Variants in JAZF1 observed in about 807,000 individuals in gnomAD.
JAZF1 encodes JAZF zinc finger 1.
JAZF1 carries 8 observed loss-of-function variants against 26.4 expected under a neutral mutation model. The ratio of observed to expected loss-of-function variants is 0.30; its 90% CI spans 0.18 to 0.55. The LOEUF (loss-of-function observed/expected upper bound fraction) is 0.55, where lower values mean the gene tolerates loss of function less well. Ranked by LOEUF, JAZF1 falls within the 20% of genes least tolerant of loss-of-function variation. The pLI is 0.94. For synonymous variants in JAZF1, 126 were observed against 122.3 expected (o/e 1.03, Z -0.20); for missense variants, 199 against 322.0 (o/e 0.62, Z 2.92).
intron 1 of JAZF1, among the ~76,000 whole-genome samples, chr7:27,994,210 A>G (rs1404476512): frequency 6.6e-6 from 1 of 152,190 alleles, no homozygotes; most frequent in East Asian, 1.9e-4. Flanking sequence ...TTTGTTGCTC[A>G]AATAAATGGC....
At chr7:27,913,625 C>CTTGACTGA (rs1394249268) in intron 2 of JAZF1, among the ~76,000 whole-genome samples, 3 of 152,158 alleles carry the variant, frequency 2.0e-5, no homozygotes, top group Non-Finnish European at 1.5e-5. Flanking sequence ...CCCTCTATTC[C>CTTGACTGA]TTGACTGATT....
At position 27,837,941 on chromosome 7, in the gene JAZF1, T is replaced by C. The variant is rs74492042; in HGVS notation, c.555+2757A>G. On this transcript the variant is annotated intron_variant, in intron 4 of 4. Coordinates refer to ENST00000283928, the MANE Select transcript of JAZF1 (RefSeq NM_175061.4). ...CAATGAAGAGGACTTCAGACTCTTA[T>C]TGGCCTGGAGATGGTACTGGAGGAA... is the stretch of plus-strand genomic sequence containing the variant. 2.2e-3 allele frequency among the ~76,000 whole-genome samples: 338 copies of C among 151,938 alleles called. 6 individuals are homozygous for C. Among genetic ancestry groups the C allele is most frequent in the Admixed American group, 0.015 (226 of 15,284 alleles).
chr7:28,115,187 C>T (rs915767519), intron 1 of JAZF1, among the ~76,000 whole-genome samples: 1 of 152,146 alleles, frequency 6.6e-6, no homozygotes, highest in African/African-American at 2.4e-5. Flanking sequence ...AAATGCCAAC[C>T]ACAGGGCCAA....
chr7:28,006,224 C>T (rs1184877751), intron 1 of JAZF1, among the ~76,000 whole-genome samples: 3 of 152,104 alleles, frequency 2.0e-5, no homozygotes, highest in African/African-American at 7.2e-5. Flanking sequence ...CAAAAATCAG[C>T]CAGGCGTGGT....
chr7:28,008,960 C>T (rs752752263), intron 1 of JAZF1, among the ~76,000 whole-genome samples: 1 of 152,180 alleles, frequency 6.6e-6, no homozygotes. Context: ...ATCACACATT[C>T]AAGTCAAATG....
At chr7:28,163,567 T>A (rs776206775) in intron 1 of JAZF1, among the ~76,000 whole-genome samples, 2 of 152,208 alleles carry the variant, frequency 1.3e-5, no homozygotes, top group African/African-American at 2.4e-5. Flanking sequence ...GCCTTTAGGT[T>A]CTTAAGGAAC....
At chr7:28,021,500 C>T (rs1783006693) in intron 1 of JAZF1, among the ~76,000 whole-genome samples, 1 of 152,012 alleles carries the variant, frequency 6.6e-6, no homozygotes, top group Non-Finnish European at 1.5e-5. Context: ...ACACTAAGGA[C>T]ACACACCAGT....
chr7:27,855,086 G>A (rs1281699561), intron 3 of JAZF1, among the ~76,000 whole-genome samples: 1 of 151,890 alleles, frequency 6.6e-6, no homozygotes, highest in Non-Finnish European at 1.5e-5. Context: ...CTCTAATTTT[G>A]TCTTCATGCT....
chr7:27,974,887 G>GT (rs11351713), intron 2 of JAZF1, among the ~76,000 whole-genome samples: 73 of 138,478 alleles, frequency 5.3e-4, no homozygotes, highest in East Asian at 2.1e-3. Flanking sequence ...GCCTTAGGGA[G>GT]TTTTTTTTTT....
chr7:28,042,203 G>A (rs1783404477), intron 1 of JAZF1, among the ~76,000 whole-genome samples: 1 of 152,238 alleles, frequency 6.6e-6, no homozygotes, highest in Non-Finnish European at 1.5e-5. Flanking sequence ...GTGACAGAAA[G>A]AGGCAAGGTG....
intron 1 of JAZF1, among the ~76,000 whole-genome samples, chr7:28,051,091 C>T (rs569660404): frequency 7.1e-6 from 1 of 140,980 alleles, no homozygotes; most frequent in Admixed American, 7.7e-5. Context: ...AAGATCGCAC[C>T]ATTGCACTCC....
chr7:27,996,654 T>C (rs979811318), intron 1 of JAZF1, among the ~76,000 whole-genome samples: 1 of 152,198 alleles, frequency 6.6e-6, no homozygotes, highest in Non-Finnish European at 1.5e-5. Flanking sequence ...TTCCACAACA[T>C]TCCGTGTGGA....
chr7:27,831,374 A>AT lies in JAZF1; in HGVS notation c.*1425dup. The AT allele has an allele frequency of 4.4e-6, 1 of 227,366 alleles. No homozygotes were observed. The highest frequency in any genetic ancestry group is 8.8e-6 in the Non-Finnish European group (1 of 114,094). 14.1% of individuals were successfully genotyped at this position (227,366 alleles called of 1,614,324 possible). ...TTTATAAGCAATTTGAGTTTGTTTTATGGGCAGTTAGCTATCTCAAAGCAT... is the reference window on the plus strand; with the variant it reads ...TTTATAAGCAATTTGAGTTTGTTTTATTGGGCAGTTAGCTATCTCAAAGCAT... On this transcript the variant is annotated 3_prime_UTR_variant, in exon 5 of 5. Transcript: ENST00000283928.
chr7:28,104,707 G>A (rs1784524309), intron 1 of JAZF1, among the ~76,000 whole-genome samples: 1 of 152,006 alleles, frequency 6.6e-6, no homozygotes, highest in African/African-American at 2.4e-5. Flanking sequence ...TACAACATTA[G>A]GATTCTGGAA....
intron 2 of JAZF1, among the ~76,000 whole-genome samples, chr7:27,965,974 T>C (rs935925386): frequency 6.6e-6 from 1 of 152,216 alleles, no homozygotes; most frequent in African/African-American, 2.4e-5. Context: ...CTTGGATACA[T>C]GTGTTTCTGT....
In JAZF1 at chr7:28,005,319, T is replaced by C. The variant is rs79611072; in HGVS notation, c.116-13338A>G. 0.025 allele frequency among the ~76,000 whole-genome samples: 3,834 copies of C among 152,128 alleles called. 283 individuals are homozygous for C. In the East Asian group the frequency reaches 0.3, roughly 12 times the overall value. ...ACAAATCAGGCTGTATCCAAGTATATTAGTTTTGTATTTCGGAAGCCAGTT... is the reference window on the plus strand; with the variant it reads ...ACAAATCAGGCTGTATCCAAGTATACTAGTTTTGTATTTCGGAAGCCAGTT... On this transcript the variant is annotated intron_variant, in intron 1 of 4. Coordinates refer to ENST00000283928, the MANE Select transcript of JAZF1 (RefSeq NM_175061.4).
At chr7:27,931,633 T>C (rs1467536744) in intron 2 of JAZF1, among the ~76,000 whole-genome samples, 1 of 152,056 alleles carries the variant, frequency 6.6e-6, no homozygotes, top group Non-Finnish European at 1.5e-5. Flanking sequence ...CTGGCCAATA[T>C]GGTGAAACCC....
chr7:27,985,457 A>C (rs1364087808), intron 2 of JAZF1, among the ~76,000 whole-genome samples: 1 of 152,252 alleles, frequency 6.6e-6, no homozygotes, highest in East Asian at 1.9e-4. Flanking sequence ...TGAGGCAATA[A>C]TTAATAGTCT....
intron 2 of JAZF1, among the ~76,000 whole-genome samples, chr7:27,979,329 ATACAGTATAAT>A (rs1785533734): frequency 6.7e-6 from 1 of 150,240 alleles, no homozygotes; most frequent in Non-Finnish European, 1.5e-5. Flanking sequence ...TTTGCAGAAA[ATACAGTATAAT>A]TAACAGGCGT....
Sources: gnomAD v4.1 joint callset for allele counts (sites outside exome capture counted in the v4.1 genomes callset) on GRCh38, gnomAD v4.1.1 for gene constraint, MANE v1.5 for transcripts, NCBI Gene and HGNC (gene_info 2026-07-23, HGNC 2026-07-21) for gene names.